Variants in ARMC2 observed in about 807,000 individuals in gnomAD.
The protein encoded by ARMC2 is armadillo repeat-containing protein 2.
ARMC2 carries 67 observed loss-of-function variants against 90.3 expected under a neutral mutation model. The ratio of observed to expected loss-of-function variants is 0.74; its 90% CI spans 0.61 to 0.91. ARMC2 has a LOEUF of 0.91. Ranked by LOEUF, ARMC2 falls within the 40% of genes least tolerant of loss-of-function variation. The pLI is 0.00. For synonymous variants in ARMC2, 393 were observed against 393.0 expected (o/e 1.00, Z 0.00); for missense variants, 920 against 1,030.9 (o/e 0.89, Z 1.47).
chr6:108,974,714 C>A (rs1437679681), downstream of ARMC2, among the ~76,000 whole-genome samples: 1 of 152,004 alleles, frequency 6.6e-6, no homozygotes, highest in Non-Finnish European at 1.5e-5. Flanking sequence ...ATTTCTCACC[C>A]TACAAAACAC....
chr6:108,896,293 AC>A (rs1425957215), intron 6 of ARMC2, among the ~76,000 whole-genome samples: 1 of 152,208 alleles, frequency 6.6e-6, no homozygotes, highest in Non-Finnish European at 1.5e-5. Flanking sequence ...TGCTTGACTT[AC>A]CCAATTTCCT....
intron 7 of ARMC2, among the ~76,000 whole-genome samples, chr6:108,901,870 A>C (rs187296085): frequency 6.6e-6 from 1 of 152,212 alleles, no homozygotes; most frequent in Non-Finnish European, 1.5e-5. Flanking sequence ...ATCATTTGTC[A>C]CGTCTCTTTC....
At chr6:108,975,324 A>G (rs1778964196), downstream of ARMC2, among the ~76,000 whole-genome samples, 2 of 152,168 alleles carry the variant, frequency 1.3e-5, no homozygotes, top group Non-Finnish European at 2.9e-5. Flanking sequence ...GTCCCTGCAA[A>G]GGACATGAAC....
chr6:108,951,368 C>T (rs1385352003), intron 12 of ARMC2, among the ~76,000 whole-genome samples: 1 of 152,220 alleles, frequency 6.6e-6, no homozygotes, highest in African/African-American at 2.4e-5. Context: ...TTCTATTTCC[C>T]GGGGTGGAGT....
In ARMC2 at chr6:108,894,551, G is replaced by T. The variant is rs1771405079; in HGVS notation, c.748+8G>T. On this transcript the variant is annotated splice_region_variant and intron_variant, in intron 6 of 17. Coordinates refer to ENST00000392644, the MANE Select transcript of ARMC2 (RefSeq NM_032131.6). The stretch of plus-strand genomic sequence containing the variant: ...GGCTGCAAACCAAAGCAGGTGAGGG[G>T]TCCCCACACTCCTTCATCTACAGCA... 2 of 1,592,556 alleles carry T rather than the reference G, an allele frequency of 1.3e-6. No homozygotes were observed. The highest frequency in any genetic ancestry group is 3.6e-5 in the Admixed American group (2 of 55,396).
chr6:108,859,684 G>T (rs746022043), intron 3 of ARMC2, among the ~76,000 whole-genome samples: 3 of 151,956 alleles, frequency 2.0e-5, no homozygotes, highest in Admixed American at 1.3e-4. Flanking sequence ...TGTTCTGTTT[G>T]CTCTTTCTAG....
intron 1 of ARMC2, among the ~76,000 whole-genome samples, chr6:108,853,387 T>A (rs1774201770): frequency 6.6e-6 from 1 of 152,184 alleles, no homozygotes; most frequent in South Asian, 2.1e-4. Flanking sequence ...CAGTTTTCTG[T>A]TGTGCAGAAG....
At chr6:109,050,916 G>A in the ARMC2 span, among the ~76,000 whole-genome samples, 38 of 152,164 alleles carry the variant, frequency 2.5e-4, 1 homozygote, top group South Asian at 3.1e-3. Context: ...TTAGGTAGGG[G>A]GAATGTGGTC....
At chr6:108,871,761 G>T (rs1017712846) in intron 4 of ARMC2, among the ~76,000 whole-genome samples, 1 of 152,126 alleles carries the variant, frequency 6.6e-6, no homozygotes, top group African/African-American at 2.4e-5. Context: ...TTGTCTGCAT[G>T]CTCTGGGAGG....
chr6:108,907,613 TG>T, intron 8 of ARMC2: 2 of 1,569,476 alleles, frequency 1.3e-6, no homozygotes, highest in Non-Finnish European at 1.7e-6. Flanking sequence ...TCCTCTTCAG[TG>T]GTATTTGCGG....
the ARMC2 span, chr6:108,988,529 C>A: frequency 6.3e-7 from 1 of 1,593,428 alleles, no homozygotes; most frequent in South Asian, 1.2e-5. Flanking sequence ...AAATAAGCCA[C>A]AATAGGCACA....
intron 5 of ARMC2, among the ~76,000 whole-genome samples, chr6:108,890,275 G>A (rs539575294): frequency 6.9e-6 from 1 of 145,204 alleles, no homozygotes; most frequent in East Asian, 2.1e-4. Context: ...CTTCATCAGG[G>A]CAATGCCATG....
At chr6:109,020,756 G>A in the ARMC2 span, among the ~76,000 whole-genome samples, 186 of 152,202 alleles carry the variant, frequency 1.2e-3, no homozygotes, top group African/African-American at 4.4e-3. Context: ...CTGCAATATA[G>A]ACACAAAAAC....
At chr6:108,978,499 T>C (rs529927859), downstream of ARMC2, among the ~76,000 whole-genome samples, 1 of 152,336 alleles carries the variant, frequency 6.6e-6, no homozygotes, top group Non-Finnish European at 1.5e-5. Context: ...GTTCTGTAGA[T>C]GTCTATTAGG....
Position 108,858,217 on chromosome 6 carries a change from T to C in ARMC2, c.237T>C (p.Phe79=). 6.2e-7 allele frequency: 1 copy of C among 1,611,264 alleles called. No individual in the cohort carries two copies. Reference sequence around the variant, plus strand: ...ATGCTAGCCTCCATGCATCCAGTTTTGAGTCATCTGATTCCAGGCCTATCT... The same window carrying C: ...ATGCTAGCCTCCATGCATCCAGTTTCGAGTCATCTGATTCCAGGCCTATCT... The part of the protein sequence containing the change: ...PSSFSLHASS[F]ESSDSRPISG... The change falls in exon 3 of 18, where the codon TTT becomes TTC. Residue 79 remains phenylalanine, a synonymous_variant. Coordinates refer to ENST00000392644, the MANE Select transcript of ARMC2 (RefSeq NM_032131.6).
At chr6:109,017,576 C>T in the ARMC2 span, among the ~76,000 whole-genome samples, 1 of 152,082 alleles carries the variant, frequency 6.6e-6, no homozygotes, top group Non-Finnish European at 1.5e-5. Flanking sequence ...TGAGCCACCG[C>T]GCCCGGCCCA....
At chr6:108,944,501 C>T (rs1377166642) in intron 12 of ARMC2, among the ~76,000 whole-genome samples, 6 of 152,204 alleles carry the variant, frequency 3.9e-5, no homozygotes, top group African/African-American at 1.4e-4. Context: ...CTCTACTCCT[C>T]AGGACCCTTA....
At chr6:108,930,139 A>C (rs1231085731) in intron 11 of ARMC2, among the ~76,000 whole-genome samples, 2 of 152,010 alleles carry the variant, frequency 1.3e-5, no homozygotes, top group Non-Finnish European at 2.9e-5. Context: ...AAAAAAAAAA[A>C]AGAATCCAAA....
At chr6:108,862,891 C>T (rs1338350876) in intron 3 of ARMC2, among the ~76,000 whole-genome samples, 1 of 152,206 alleles carries the variant, frequency 6.6e-6, no homozygotes, top group Non-Finnish European at 1.5e-5. Flanking sequence ...TCAGCTCCTA[C>T]ATTGAGCAGA....
Sources: allele counts gnomAD v4.1 joint callset (sites outside exome capture counted in the v4.1 genomes callset), GRCh38; gene constraint gnomAD v4.1.1; transcripts MANE v1.5; gene names NCBI Gene and HGNC (gene_info 2026-07-23, HGNC 2026-07-21).